Variants in MEIOB observed in about 807,000 individuals in gnomAD.
MEIOB encodes the protein meiosis specific with OB-fold, also known as meiosis-specific with OB domain-containing protein.
MEIOB carries 50 observed loss-of-function variants against 53.1 expected under a neutral mutation model. The observed-to-expected ratio is 0.94, with a 90% confidence interval of 0.75 to 1.19. The LOEUF (loss-of-function observed/expected upper bound fraction) is 1.19. Ranked by LOEUF, MEIOB falls within the 50% of genes most tolerant of loss-of-function variation. The pLI is 0.00. For synonymous variants in MEIOB, 192 were observed against 182.5 expected, an observed-to-expected ratio of 1.05 and a Z score of -0.42; for missense variants, 551 against 550.8, an observed-to-expected ratio of 1.00 and a Z score of 0.00.
intron 6 of MEIOB, among the ~76,000 whole-genome samples, chr16:1,857,087 A>C (rs1261141199): frequency 2.0e-5 from 3 of 152,148 alleles, no homozygotes; most frequent in African/African-American, 7.2e-5. Context: ...TTATTTTGTG[A>C]AACTTTACCG....
intron 10 of MEIOB, 74 bp downstream of exon 10, chr16:1,844,788 C>T (rs1248362562): frequency 2.9e-6 from 2 of 692,164 alleles, no homozygotes; most frequent in African/African-American, 3.6e-5. Context: ...GTATCTTTTA[C>T]CATGTCAAAC....
chr16:1,859,697 C>T (rs745458287), intron 5 of MEIOB, among the ~76,000 whole-genome samples: 13 of 152,156 alleles, frequency 8.5e-5, no homozygotes, highest in African/African-American at 1.4e-4. Context: ...AAGGTGGGAA[C>T]GGGTCACAGT....
intron 2 of MEIOB, among the ~76,000 whole-genome samples, chr16:1,866,918 A>G (rs1899608263): frequency 6.6e-6 from 1 of 152,182 alleles, no homozygotes; most frequent in Non-Finnish European, 1.5e-5. Flanking sequence ...TTATTTAGAC[A>G]CATTGATATT....
rs1488011252 is a variant in MEIOB, at chr16:1,865,578, T to TAG, written c.127+199_127+200insCT. On this transcript the variant is annotated intron_variant, in intron 3 of 13. Coordinates refer to ENST00000325962, the MANE Select transcript of MEIOB (RefSeq NM_001163560.3). ...ACACATATGTGTGTATGTATACATA[T>TAG]ATATAGAGAGAGAGAGAGAATGTGG... 2.0e-4 allele frequency among the ~76,000 whole-genome samples: 24 copies of TAG among 120,776 alleles called. No individual in the cohort carries two copies. The South Asian group carries it at 2.2e-3, about 11-fold the overall frequency. The allele number at this position is 120,776 out of a possible 152,430, so 79.2% of individuals were successfully genotyped here. A position where few individuals can be genotyped will look rare whatever the true frequency, so the allele number is the denominator to read the frequency against.
chr16:1,837,398 G>T (rs1203007435), intron 13 of MEIOB, among the ~76,000 whole-genome samples: 1 of 152,128 alleles, frequency 6.6e-6, no homozygotes, highest in African/African-American at 2.4e-5. Context: ...CAAGAGAGGG[G>T]TCTCACTATG....
At chr16:1,869,358 C>T (rs1899673847) in intron 1 of MEIOB, among the ~76,000 whole-genome samples, 1 of 152,026 alleles carries the variant, frequency 6.6e-6, no homozygotes, top group South Asian at 2.1e-4. Flanking sequence ...CTCCTGATCT[C>T]AAGTGATCCG....
intron 12 of MEIOB, among the ~76,000 whole-genome samples, chr16:1,838,784 T>G (rs957871400): frequency 1.3e-5 from 2 of 152,158 alleles, no homozygotes; most frequent in Non-Finnish European, 2.9e-5. Flanking sequence ...TTCCACATCC[T>G]GGGCTCAAGT....
intron 9 of MEIOB, among the ~76,000 whole-genome samples, chr16:1,847,621 A>T (rs1489648838): frequency 6.6e-6 from 1 of 151,868 alleles, no homozygotes; most frequent in Non-Finnish European, 1.5e-5. Flanking sequence ...AGGGGAGGGG[A>T]GAAAGAAAAA....
At chr16:1,839,563 G>A (rs920939976) in intron 11 of MEIOB, 125 bp from the exon 12 acceptor site, 3 of 805,006 alleles carry the variant, frequency 3.7e-6, no homozygotes, top group African/African-American at 1.8e-5. Flanking sequence ...AGTGTTCAGT[G>A]CTATGCGGTC....
At position 1,862,686 on chromosome 16, in the gene MEIOB, C is replaced by T. The variant is rs561052311; in HGVS notation, c.128-570G>A. 1.1e-3 allele frequency among the ~76,000 whole-genome samples: 164 copies of T among 151,946 alleles called. 1 individual carries two copies. The highest frequency in any genetic ancestry group is 3.6e-3 in the African/African-American group (150 of 41,450). ...CTGTAATCCTAACACTTTGGGAGCC[C>T]GAGGCGGGTGGATCACCTGAGGTTA... On this transcript the variant is annotated intron_variant, in intron 3 of 13. Transcript: ENST00000325962.
intron 10 of MEIOB, chr16:1,843,412 G>C (rs1184267685): frequency 6.6e-6 from 1 of 152,022 alleles, no homozygotes; most frequent in Admixed American, 6.5e-5. Context: ...AATTAAACAA[G>C]AGTAGGCCGG....
At chr16:1,836,521 T>C (rs9652786) in intron 13 of MEIOB, among the ~76,000 whole-genome samples, 27,383 of 147,952 alleles carry the variant, frequency 0.19, 2,950 homozygotes, top group South Asian at 0.27. Flanking sequence ...CCATGCTAAC[T>C]GTTGAAGAGA....
Position 1,839,288 on chromosome 16 carries a change from T to C in MEIOB, c.1185A>G (p.Thr395=). Reference sequence around the variant, plus strand: ...CCAAAGTCTCCTCAGCAACACTTCCTGTGAGACTACAGGAATGAAGGGTGC... The same window carrying C: ...CCAAAGTCTCCTCAGCAACACTTCCCGTGAGACTACAGGAATGAAGGGTGC... The part of the protein sequence containing the change: ...HTGTLHSCSL[T]GSVAEETLGC... Residue 395 remains threonine (T), a synonymous_variant, in exon 12 of 14, where the codon ACA becomes ACG. Transcript: ENST00000325962. 6.2e-7 allele frequency: 1 copy of C among 1,613,702 alleles called. No homozygotes were observed. The highest frequency in any genetic ancestry group is 1.1e-5 in the South Asian group (1 of 90,914).
At position 1,848,544 on chromosome 16, in the gene MEIOB, C is replaced by CTTT. The variant is rs749481002; in HGVS notation, c.779-3584_779-3582dup. Among the ~76,000 whole-genome samples the CTTT allele has an allele frequency of 3.9e-3, 502 of 129,706 alleles. 13 individuals carry two copies. In the South Asian group the frequency reaches 0.07, roughly 18 times the overall value. The allele number at this position is 129,706 out of a possible 152,430, so 85.1% of individuals were successfully genotyped here. ...ATCCCTTCTCCTTTTTTTTTTTTTC[C>CTTT]TTTTTTTTTTTTTTTGGAGACAGAG... On this transcript the variant is annotated intron_variant, in intron 9 of 13. Coordinates refer to ENST00000325962, the MANE Select transcript of MEIOB (RefSeq NM_001163560.3).
chr16:1,849,715 C>T (rs913442343), intron 9 of MEIOB, among the ~76,000 whole-genome samples: 1 of 151,930 alleles, frequency 6.6e-6, no homozygotes, highest in Non-Finnish European at 1.5e-5. Context: ...CGTGCATTCT[C>T]GCGAGTATTC....
At chr16:1,867,060 A>G (rs1159533975) in intron 2 of MEIOB, among the ~76,000 whole-genome samples, 1 of 152,208 alleles carries the variant, frequency 6.6e-6, no homozygotes, top group Non-Finnish European at 1.5e-5. Context: ...AAGAAAAACT[A>G]TAACAACAAT....
intron 5 of MEIOB, 60 bp downstream of exon 5, chr16:1,860,343 G>A: frequency 1.1e-6 from 1 of 914,236 alleles, no homozygotes; most frequent in Admixed American, 2.2e-5. Context: ...CTGCTAATCT[G>A]ATACAACATT....
chr16:1,866,512 T>C (rs1247404679), intron 2 of MEIOB, among the ~76,000 whole-genome samples: 1 of 151,978 alleles, frequency 6.6e-6, no homozygotes, highest in Non-Finnish European at 1.5e-5. Context: ...CCTGAGGTCA[T>C]GAGTTTGAGA....
chr16:1,869,026 G>C (rs1047022862), intron 1 of MEIOB, among the ~76,000 whole-genome samples: 1 of 151,998 alleles, frequency 6.6e-6, no homozygotes, highest in Non-Finnish European at 1.5e-5. Flanking sequence ...GCTATTATAG[G>C]TTTCAATTTT....
Sources: gnomAD v4.1 joint callset for allele counts (sites outside exome capture counted in the v4.1 genomes callset) on GRCh38, gnomAD v4.1.1 for gene constraint, MANE v1.5 for transcripts, NCBI Gene and HGNC (gene_info 2026-07-23, HGNC 2026-07-21) for gene names.